PPP6R2: variants seen among roughly 807,000 people sequenced by gnomAD.
The protein encoded by PPP6R2 is protein phosphatase 6 regulatory subunit 2, also known as serine/threonine-protein phosphatase 6 regulatory subunit 2.
PPP6R2 carries 62 observed loss-of-function variants against 100.2 expected under a neutral mutation model. That is an observed-to-expected ratio of 0.62 (90% CI 0.50 to 0.76). The LOEUF (loss-of-function observed/expected upper bound fraction) is 0.76, where lower values mean the gene tolerates loss of function less well. PPP6R2 is among the 30% of genes least tolerant of loss of function. PPP6R2 has a pLI of 0.00. For missense variants in PPP6R2, 1,142 were observed against 1,276.3 expected, an observed-to-expected ratio of 0.89 and a Z score of 1.60; for synonymous variants, 525 against 514.7, an observed-to-expected ratio of 1.02 and a Z score of -0.27.
chr22:50,393,649 C>T (rs953416767), intron 2 of PPP6R2: 1 of 960,968 alleles, frequency 1.0e-6, no homozygotes. Context: ...GGGAAGTCTG[C>T]TAACTTTGTG....
intron 1 of PPP6R2, among the ~76,000 whole-genome samples, chr22:50,357,727 G>A (rs937803401): frequency 1.3e-5 from 2 of 151,810 alleles, no homozygotes; most frequent in African/African-American, 4.8e-5. Flanking sequence ...GGGTTCAAGT[G>A]ATTCTCCTGC....
intron 1 of PPP6R2, among the ~76,000 whole-genome samples, chr22:50,358,086 A>G (rs933960495): frequency 5.9e-5 from 9 of 151,894 alleles, no homozygotes; most frequent in Non-Finnish European, 1.0e-4. Flanking sequence ...AGCTAGGACC[A>G]TAGGCACAAG....
chr22:50,396,138 G>A (rs1473336842), intron 3 of PPP6R2, among the ~76,000 whole-genome samples: 1 of 148,980 alleles, frequency 6.7e-6, no homozygotes, highest in Non-Finnish European at 1.5e-5. Flanking sequence ...GGAGGTTGCA[G>A]TGAGCTGAGA....
At chr22:50,430,496 A>C (rs4824127) in intron 10 of PPP6R2, among the ~76,000 whole-genome samples, 56,893 of 152,126 alleles carry the variant, frequency 0.37, 11,054 homozygotes, top group East Asian at 0.65. Context: ...GAATGTAGTT[A>C]AAGTTGATTG....
intron 5 of PPP6R2, 33 bp downstream of exon 5, chr22:50,414,722 G>A (rs373747269): frequency 1.6e-5 from 25 of 1,599,746 alleles, no homozygotes; most frequent in Non-Finnish European, 2.1e-5. Context: ...GTTCCCGAGG[G>A]CAGGGGTGCT....
intron 3 of PPP6R2, among the ~76,000 whole-genome samples, chr22:50,403,048 A>C (rs1225711357): frequency 6.6e-6 from 1 of 152,122 alleles, no homozygotes; most frequent in African/African-American, 2.4e-5. Context: ...CCCCGTCTCT[A>C]CCAAAAATAC....
rs765231336 is a variant in PPP6R2 at position 50,438,264 on chromosome 22, A to G, written c.1930A>G (p.Thr644Ala). ...EDEDIWEDSD[T>A]RCAARVMARP... is the part of the protein sequence containing the mutation. ...CGAGGACATCTGGGAGGACAGTGAC[A>G]CTCGCTGTGCTGCCCGGGTGATGGC... Residue 644 changes from threonine (T) to alanine (A), a missense_variant, in exon 18 of 24, where the codon ACT (threonine) becomes GCT (alanine). Thr to Ala is a moderately conservative substitution (Grantham distance 58). Coordinates refer to ENST00000612753, the MANE Select transcript of PPP6R2 (RefSeq NM_001242898.2). The G allele has an allele frequency of 1.2e-6, 2 of 1,613,662 alleles. No homozygotes were observed. Among genetic ancestry groups the G allele is most frequent in the Non-Finnish European group, 1.7e-6 (2 of 1,179,924 alleles).
At position 50,400,432 on chromosome 22, in the gene PPP6R2, G is replaced by T. The variant is rs74399782; in HGVS notation, c.228-6257G>T. 5.1e-3 allele frequency among the ~76,000 whole-genome samples: 781 copies of T among 152,268 alleles called. 4 individuals are homozygous for T. The highest frequency in any genetic ancestry group is 8.5e-3 in the Non-Finnish European group (575 of 68,030). Reference sequence around the variant, plus strand: ...ACCCTCTGATTAGAAGTTCAGACTGGGCATTACCCCCTGGGCTTTGGGAGC... The same window carrying T: ...ACCCTCTGATTAGAAGTTCAGACTGTGCATTACCCCCTGGGCTTTGGGAGC... On this transcript the variant is annotated intron_variant, in intron 3 of 23. Coordinates refer to ENST00000612753, the MANE Select transcript of PPP6R2 (RefSeq NM_001242898.2).
chr22:50,331,160 C>T, the PPP6R2 span, among the ~76,000 whole-genome samples: 2 of 152,028 alleles, frequency 1.3e-5, no homozygotes, highest in Non-Finnish European at 2.9e-5. Context: ...TAGTTCATTC[C>T]TTTCGTGAAT....
upstream of PPP6R2, among the ~76,000 whole-genome samples, chr22:50,338,886 A>G (rs1447956274): frequency 5.8e-4 from 38 of 65,828 alleles, no homozygotes; most frequent in Admixed American, 1.0e-3. Context: ...TGTGTGTGTT[A>G]TGTGGGGTAT....
chr22:50,434,997 G>A lies in PPP6R2; in HGVS notation c.1432G>A (p.Gly478Ser), dbSNP rs1197886659. 6.2e-7 allele frequency: 1 copy of A among 1,606,222 alleles called. No homozygotes were observed. The highest frequency in any genetic ancestry group is 8.5e-7 in the Non-Finnish European group (1 of 1,177,246). ...GGGTGGCATGAGACGTGGGAACATG[G>A]GCCACCTCACACGGATCGCCAACGC... ...AAGGMRRGNM[G>S]HLTRIANAVV... The change falls in exon 13 of 24, where the codon GGC becomes AGC. Residue 478 changes from glycine (G) to serine (S), a missense_variant. Physicochemically the swap from Gly to Ser is moderately conservative, Grantham distance 56. Transcript: ENST00000612753.
chr22:50,402,751 A>G (rs1307488970), intron 3 of PPP6R2, among the ~76,000 whole-genome samples: 2 of 152,210 alleles, frequency 1.3e-5, no homozygotes, highest in African/African-American at 2.4e-5. Flanking sequence ...TGGAATTTCT[A>G]TACCTTGTAT....
At chr22:50,428,057 GT>G (rs1451863133) in intron 10 of PPP6R2, among the ~76,000 whole-genome samples, 2 of 151,074 alleles carry the variant, frequency 1.3e-5, no homozygotes, top group Non-Finnish European at 3.0e-5. Flanking sequence ...GTTTCACCAT[GT>G]TGGCCAGGTT....
At chr22:50,365,678 CAAAA>C (rs1199182923) in intron 1 of PPP6R2, among the ~76,000 whole-genome samples, 10 of 78,694 alleles carry the variant, frequency 1.3e-4, no homozygotes, top group African/African-American at 3.7e-4. Context: ...GACTCTGTCT[CAAAA>C]AAAAAAAAAA....
chr22:50,444,195 G>C lies in PPP6R2; in HGVS notation c.2832-4G>C, dbSNP rs1266354618. 2 of 1,612,708 alleles carry C rather than the reference G, an allele frequency of 1.2e-6. No individual in the cohort carries two copies. The highest frequency in any genetic ancestry group is 8.5e-7 in the Non-Finnish European group (1 of 1,179,698). ...ACGGTTCCAACCCCACCCCATTCCT[G>C]CAGGAAGACAGATGCCCCGCCAGAA... is the stretch of plus-strand genomic sequence containing the variant. On this transcript the variant is annotated splice_polypyrimidine_tract_variant and splice_region_variant and intron_variant, in intron 23 of 23. Coordinates refer to ENST00000612753, the MANE Select transcript of PPP6R2 (RefSeq NM_001242898.2).
At chr22:50,422,468 T>C (rs2061465348) in intron 9 of PPP6R2, 88 bp downstream of exon 9, 2 of 1,532,394 alleles carry the variant, frequency 1.3e-6, no homozygotes, top group Admixed American at 1.8e-5. Context: ...GCTTGTCCCA[T>C]AGGTAGCAGA....
chr22:50,427,941 C>T (rs181119098), intron 10 of PPP6R2, among the ~76,000 whole-genome samples: 78 of 152,336 alleles, frequency 5.1e-4, no homozygotes, highest in South Asian at 8.3e-4. Context: ...AGGACGGTCT[C>T]GATCTCCTGA....
intron 19 of PPP6R2, 109 bp from the exon 20 acceptor site, chr22:50,439,592 A>G: frequency 8.0e-7 from 1 of 1,253,236 alleles, no homozygotes; most frequent in South Asian, 1.6e-5. Flanking sequence ...GAGCAGCCCC[A>G]TCTTCCTGTC....
rs767944046 is a variant in PPP6R2 at position 50,439,782 on chromosome 22, G to C, written c.2210G>C (p.Ser737Thr). The change falls in exon 20 of 24, where the codon AGT becomes ACT. Residue 737 changes from serine (S) to threonine (T), a missense_variant. Transcript: ENST00000612753. ...GGAGTGGTGAGGGACGTGGGTTCCA[G>C]TGTGTGGGCAGCTGGCACCTCAGCT... ...APGVVRDVGS[S>T]VWAAGTSAPE... The C allele has an allele frequency of 1.2e-6, 2 of 1,613,866 alleles. No individual in the cohort carries two copies. Among genetic ancestry groups the C allele is most frequent in the Admixed American group, 3.3e-5 (2 of 60,014 alleles).
Sources: allele counts gnomAD v4.1 joint callset (sites outside exome capture counted in the v4.1 genomes callset), GRCh38; gene constraint gnomAD v4.1.1; transcripts MANE v1.5; gene names NCBI Gene and HGNC (gene_info 2026-07-23, HGNC 2026-07-21).